Variants in CCDC171 observed in about 807,000 individuals in gnomAD.
CCDC171 encodes coiled-coil domain containing 171.
In CCDC171, 177 loss-of-function variants were observed where a neutral mutation model predicts 168.2. The observed-to-expected ratio is 1.05, with a 90% CI of 0.93 to 1.19. The LOEUF (loss-of-function observed/expected upper bound fraction) is 1.19, where lower values mean the gene tolerates loss of function less well. CCDC171 is among the 50% of genes most tolerant of loss of function. The pLI is 0.00. For synonymous variants in CCDC171, 687 were observed against 540.8 expected, an observed-to-expected ratio of 1.27 and a Z score of -3.75; for missense variants, 1,991 against 1,539.0, an observed-to-expected ratio of 1.29 and a Z score of -4.91.
intron 2 of CCDC171, among the ~76,000 whole-genome samples, chr9:15,564,959 G>T (rs1302213026): frequency 6.6e-6 from 1 of 152,054 alleles, no homozygotes; most frequent in Non-Finnish European, 1.5e-5. Context: ...CTCATATTTA[G>T]TTTGAGAAGG....
intron 24 of CCDC171, among the ~76,000 whole-genome samples, chr9:15,892,048 T>C (rs1820283916): frequency 6.6e-6 from 1 of 152,216 alleles, no homozygotes; most frequent in Admixed American, 6.6e-5. Flanking sequence ...ATAATCTTTA[T>C]TAGTGTTTTA....
the CCDC171 span, among the ~76,000 whole-genome samples, chr9:16,069,488 G>C: frequency 6.6e-6 from 1 of 152,268 alleles, no homozygotes; most frequent in African/African-American, 2.4e-5. Context: ...AGCCTCTCGG[G>C]GTGAGAAGGA....
intron 8 of CCDC171, among the ~76,000 whole-genome samples, chr9:15,657,727 T>A (rs1436323715): frequency 6.6e-6 from 1 of 152,206 alleles, no homozygotes; most frequent in Non-Finnish European, 1.5e-5. Flanking sequence ...TATCTCCAGA[T>A]ATATAGATGC....
chr9:15,866,436 A>C (rs1179724592), intron 23 of CCDC171, among the ~76,000 whole-genome samples: 1 of 151,980 alleles, frequency 6.6e-6, no homozygotes, highest in African/African-American at 2.4e-5. Flanking sequence ...CTTATTCAGC[A>C]AAGTGGCATA....
At chr9:15,978,143 G>A (rs1831677845), downstream of CCDC171, among the ~76,000 whole-genome samples, 1 of 152,090 alleles carries the variant, frequency 6.6e-6, no homozygotes, top group African/African-American at 2.4e-5. Flanking sequence ...AGTTCATTCT[G>A]GTGACTTTGA....
intron 7 of CCDC171, among the ~76,000 whole-genome samples, chr9:15,645,210 A>C (rs1243054254): frequency 1.3e-5 from 2 of 152,234 alleles, no homozygotes; most frequent in Non-Finnish European, 1.5e-5. Flanking sequence ...ACAAACAGAA[A>C]GGACATTCAC....
chr9:15,903,934 A>C (rs1822106963), intron 24 of CCDC171, among the ~76,000 whole-genome samples: 1 of 152,226 alleles, frequency 6.6e-6, no homozygotes, highest in Non-Finnish European at 1.5e-5. Flanking sequence ...CAGTGATGGA[A>C]GATCAAATGA....
At chr9:15,613,747 A>ACTC (rs2043881398) in intron 6 of CCDC171, among the ~76,000 whole-genome samples, 1 of 149,366 alleles carries the variant, frequency 6.7e-6, no homozygotes, top group Non-Finnish European at 1.5e-5. Flanking sequence ...CTGGTCTTGA[A>ACTC]CTCCTGACCT....
intron 7 of CCDC171, among the ~76,000 whole-genome samples, chr9:15,655,940 G>T (rs2047892058): frequency 6.6e-6 from 1 of 152,188 alleles, no homozygotes; most frequent in Admixed American, 6.5e-5. Flanking sequence ...TGTTGGTGAG[G>T]ATGTGGAACA....
chr9:15,867,388 A>G (rs2061834245), intron 23 of CCDC171, among the ~76,000 whole-genome samples: 2 of 152,074 alleles, frequency 1.3e-5, no homozygotes, highest in South Asian at 4.1e-4. Context: ...CAGTATTTTA[A>G]AAGTTGAAAC....
intron 25 of CCDC171, among the ~76,000 whole-genome samples, chr9:15,946,515 A>G (rs1212591281): frequency 6.6e-6 from 1 of 152,056 alleles, no homozygotes; most frequent in Non-Finnish European, 1.5e-5. Flanking sequence ...TCAACAAAAT[A>G]AAACAGGATA....
intron 8 of CCDC171, 54 bp from the exon 9 acceptor site, chr9:15,666,109 G>C: frequency 1.3e-6 from 2 of 1,505,668 alleles, no homozygotes; most frequent in Non-Finnish European, 1.8e-6. Flanking sequence ...CTCAATTTAA[G>C]ATTGATGCTA....
At chr9:15,567,356 T>C (rs1276935097) in intron 2 of CCDC171, among the ~76,000 whole-genome samples, 2 of 152,206 alleles carry the variant, frequency 1.3e-5, no homozygotes, top group Admixed American at 6.5e-5. Context: ...AGCTTTATAG[T>C]AAGTTTTGAA....
the CCDC171 span, among the ~76,000 whole-genome samples, chr9:16,086,448 C>A: frequency 1.3e-5 from 2 of 151,800 alleles, no homozygotes; most frequent in Non-Finnish European, 2.9e-5. Context: ...GCTGGGATTA[C>A]AGGTGTGCAC....
At chr9:15,676,671 A>G (rs1172630501) in intron 9 of CCDC171, among the ~76,000 whole-genome samples, 1 of 151,486 alleles carries the variant, frequency 6.6e-6, no homozygotes, top group Non-Finnish European at 1.5e-5. Context: ...TCTTTATTTG[A>G]TTTTCTCCAT....
chr9:15,976,963 TTAAA>T (rs1173490808), downstream of CCDC171, among the ~76,000 whole-genome samples: 4 of 152,122 alleles, frequency 2.6e-5, no homozygotes, highest in Non-Finnish European at 5.9e-5. Flanking sequence ...ACCTAGAGCG[TTAAA>T]TATTGCAAGT....
chr9:15,850,011 C>G (rs1471703685), intron 23 of CCDC171, among the ~76,000 whole-genome samples: 1 of 151,822 alleles, frequency 6.6e-6, no homozygotes, highest in Non-Finnish European at 1.5e-5. Context: ...TCTCCCCCTT[C>G]CCATTTAAAA....
At chr9:15,852,960 A>G (rs982150250) in intron 23 of CCDC171, among the ~76,000 whole-genome samples, 7 of 151,754 alleles carry the variant, frequency 4.6e-5, no homozygotes, top group African/African-American at 1.2e-4. Flanking sequence ...CTCTCTTCAT[A>G]TCAGTACCGT....
At chr9:15,838,532 T>TA (rs2060544811) in intron 21 of CCDC171, among the ~76,000 whole-genome samples, 1 of 152,200 alleles carries the variant, frequency 6.6e-6, no homozygotes, top group African/African-American at 2.4e-5. Context: ...ACCCTTTCTT[T>TA]AAAAAAATCT....
Sources: gnomAD v4.1 joint callset for allele counts (sites outside exome capture counted in the v4.1 genomes callset) on GRCh38, gnomAD v4.1.1 for gene constraint, MANE v1.5 for transcripts, NCBI Gene and HGNC (gene_info 2026-07-23, HGNC 2026-07-21) for gene names.